Variants in ADAMTSL1 observed in about 807,000 individuals in gnomAD.
ADAMTSL1 encodes ADAMTS-like protein 1.
Under a neutral mutation model 201.8 loss-of-function variants are expected in ADAMTSL1, and 126 were observed. The observed-to-expected ratio is 0.62, with a 90% CI of 0.54 to 0.72. ADAMTSL1 has a LOEUF of 0.72. ADAMTSL1 is among the 30% of genes least tolerant of loss of function. ADAMTSL1 has a pLI of 0.00. For missense variants in ADAMTSL1, 2,679 were observed against 2,277.8 expected (o/e 1.18, Z -3.59); for synonymous variants, 1,121 against 903.4 (o/e 1.24, Z -4.32).
intron 13 of ADAMTSL1, among the ~76,000 whole-genome samples, chr9:18,688,689 A>AAAAAAAATATATATATATATAT (rs1554730404): frequency 2.3e-4 from 2 of 8,648 alleles, no homozygotes; most frequent in Non-Finnish European, 4.4e-4. Context: ...AAAAAAAAAA[A>AAAAAAAATATATATATATATAT]ATATATATAT....
At chr9:18,621,556 C>CA (rs1053642274) in intron 4 of ADAMTSL1, among the ~76,000 whole-genome samples, 28 of 143,728 alleles carry the variant, frequency 1.9e-4, no homozygotes, top group African/African-American at 7.3e-4. Flanking sequence ...CCGTCCTCTT[C>CA]CACACACACA....
chr9:18,385,553 A>T (rs1010826879), intron 2 of ADAMTSL1, among the ~76,000 whole-genome samples: 6 of 152,230 alleles, frequency 3.9e-5, no homozygotes, highest in African/African-American at 1.4e-4. Context: ...GACAGGTAAT[A>T]ATAAAGAATT....
chr9:18,143,409 C>G (rs1297766450), intron 1 of ADAMTSL1, among the ~76,000 whole-genome samples: 3 of 152,192 alleles, frequency 2.0e-5, no homozygotes, highest in Non-Finnish European at 2.9e-5. Context: ...GTAACTTCCA[C>G]TTCACTCTAT....
At chr9:18,439,036 C>A (rs1217799000) in intron 2 of ADAMTSL1, among the ~76,000 whole-genome samples, 4 of 150,374 alleles carry the variant, frequency 2.7e-5, no homozygotes, top group Non-Finnish European at 5.9e-5. Context: ...TTCAAAGTAT[C>A]CATATTGGTT....
chr9:18,755,683 G>C (rs546543379), intron 16 of ADAMTSL1, among the ~76,000 whole-genome samples: 1 of 152,228 alleles, frequency 6.6e-6, no homozygotes, highest in African/African-American at 2.4e-5. Context: ...ATTTGAAACA[G>C]TGGACTTCCA....
intron 2 of ADAMTSL1, among the ~76,000 whole-genome samples, chr9:18,517,202 A>G (rs1184965122): frequency 1.3e-5 from 2 of 152,182 alleles, no homozygotes; most frequent in Non-Finnish European, 2.9e-5. Context: ...TATAAAGTGC[A>G]TGTCCTTCTT....
intron 8 of ADAMTSL1, among the ~76,000 whole-genome samples, chr9:18,661,318 GGAGGT>G (rs1437638586): frequency 6.6e-6 from 1 of 152,162 alleles, no homozygotes; most frequent in East Asian, 1.9e-4. Flanking sequence ...ACAGTAACAG[GGAGGT>G]GTTTTTACTA....
At chr9:18,466,994 C>A (rs1183787397) in intron 2 of ADAMTSL1, among the ~76,000 whole-genome samples, 1 of 152,090 alleles carries the variant, frequency 6.6e-6, no homozygotes, top group East Asian at 1.9e-4. Context: ...ATTTGCTTTT[C>A]TTTTTCTCTA....
In ADAMTSL1 at chr9:18,887,946, A is replaced by G. The variant is rs1829006735; in HGVS notation, c.4365A>G (p.Gln1455=). The G allele has an allele frequency of 1.2e-6, 2 of 1,614,026 alleles. No homozygotes were observed. The highest frequency in any genetic ancestry group is 1.7e-6 in the Non-Finnish European group (2 of 1,179,896). Reference sequence around the variant, plus strand: ...TCTTGGCAGCTGGACAGATCCTTCAAGTTGCAAACCTTAGCGGTGGGTCTC... The same window carrying G: ...TCTTGGCAGCTGGACAGATCCTTCAGGTTGCAAACCTTAGCGGTGGGTCTC... ...HHILAAGQIL[Q]VANLSGGSQG... is the part of the protein sequence containing the mutation. The change falls in exon 24 of 29, where the codon CAA becomes CAG. Residue 1455 remains glutamine, a synonymous_variant. Coordinates refer to ENST00000380548, the MANE Select transcript of ADAMTSL1 (RefSeq NM_001040272.6).
intron 1 of ADAMTSL1, among the ~76,000 whole-genome samples, chr9:18,080,685 CATT>C (rs1465154688): frequency 6.6e-6 from 1 of 152,154 alleles, no homozygotes; most frequent in Non-Finnish European, 1.5e-5. Context: ...ATGTGTTAGA[CATT>C]ATTTTCTCCA....
chr9:18,643,637 T>C (rs1827588740), intron 7 of ADAMTSL1, among the ~76,000 whole-genome samples: 1 of 152,134 alleles, frequency 6.6e-6, no homozygotes, highest in Admixed American at 6.6e-5. Context: ...TGGAAGTTTT[T>C]CCAAACACTA....
At chr9:18,428,273 G>T (rs1377166014) in intron 2 of ADAMTSL1, among the ~76,000 whole-genome samples, 1 of 151,962 alleles carries the variant, frequency 6.6e-6, no homozygotes, top group Non-Finnish European at 1.5e-5. Context: ...AAAAAGAAAA[G>T]AAATTATACA....
In ADAMTSL1 at chr9:18,753,333, C is replaced by T; in HGVS notation, c.2042C>T (p.Thr681Ile). Residue 681 changes from threonine (T) to isoleucine (I), a missense_variant, in exon 16 of 29, where the codon ACA becomes ATA. By Grantham distance (89) the Thr-to-Ile change is moderately conservative. Transcript: ENST00000380548. Reference protein sequence around the residue: ...EIGKWSPCSLTCGVGLQTRDV... With the variant: ...EIGKWSPCSLICGVGLQTRDV... ...GGCAAGTGGAGTCCATGTAGTCTCACATGTGGGGTCGGCCTACAGACCAGA... is the reference window on the plus strand; with the variant it reads ...GGCAAGTGGAGTCCATGTAGTCTCATATGTGGGGTCGGCCTACAGACCAGA... The T allele has an allele frequency of 6.2e-7, 1 of 1,612,358 alleles. No homozygotes were observed. The highest frequency in any genetic ancestry group is 8.5e-7 in the Non-Finnish European group (1 of 1,179,318).
chr9:18,841,086 G>A (rs1036937376), intron 23 of ADAMTSL1, among the ~76,000 whole-genome samples: 2 of 149,756 alleles, frequency 1.3e-5, no homozygotes, highest in Non-Finnish European at 3.0e-5. Flanking sequence ...GAATAGGAGT[G>A]GTGAGAGAGG....
At chr9:18,458,865 T>A (rs890134050) in intron 2 of ADAMTSL1, among the ~76,000 whole-genome samples, 10 of 152,200 alleles carry the variant, frequency 6.6e-5, no homozygotes, top group African/African-American at 2.4e-4. Context: ...TTTGATTTTA[T>A]GACAAAAATA....
chr9:18,130,066 T>C (rs905781158), intron 1 of ADAMTSL1, among the ~76,000 whole-genome samples: 2 of 152,172 alleles, frequency 1.3e-5, no homozygotes, highest in Admixed American at 1.3e-4. Flanking sequence ...CATGGGGCCC[T>C]GTCTCAGAGA....
chr9:18,103,170 A>G (rs539796706), intron 1 of ADAMTSL1, among the ~76,000 whole-genome samples: 1 of 152,312 alleles, frequency 6.6e-6, no homozygotes, highest in South Asian at 2.1e-4. Context: ...GTGATATGTA[A>G]CAAATTAGAT....
chr9:17,981,263 A>G (rs1171692167), intron 1 of ADAMTSL1, among the ~76,000 whole-genome samples: 1 of 152,206 alleles, frequency 6.6e-6, no homozygotes, highest in Non-Finnish European at 1.5e-5. Flanking sequence ...AACTATGAGA[A>G]ATAGATTTGT....
intron 23 of ADAMTSL1, among the ~76,000 whole-genome samples, chr9:18,879,684 C>G (rs1022167405): frequency 5.3e-5 from 8 of 152,164 alleles, no homozygotes; most frequent in Non-Finnish European, 1.0e-4. Flanking sequence ...GAGCCTTAAG[C>G]AAGTCTAATC....
Sources: allele counts gnomAD v4.1 joint callset (sites outside exome capture counted in the v4.1 genomes callset), GRCh38; gene constraint gnomAD v4.1.1; transcripts MANE v1.5; gene names NCBI Gene and HGNC (gene_info 2026-07-23, HGNC 2026-07-21).